Variants in ELMO1 observed in about 807,000 individuals in gnomAD.
ELMO1 encodes engulfment and cell motility protein 1.
In ELMO1, 26 loss-of-function variants were observed where a neutral mutation model predicts 98.9. That is an observed-to-expected ratio of 0.26 (90% CI 0.19 to 0.36). ELMO1 has a LOEUF of 0.36. Among genes scored for constraint, ELMO1 ranks in the 10% least tolerant of loss-of-function variants. The pLI is 1.00. For synonymous variants in ELMO1, 346 were observed against 346.0 expected, an observed-to-expected ratio of 1.00 and a Z score of 0.00; for missense variants, 627 against 935.2, an observed-to-expected ratio of 0.67 and a Z score of 4.30.
chr7:37,265,076 C>A (rs1796168910), intron 5 of ELMO1, among the ~76,000 whole-genome samples: 1 of 152,154 alleles, frequency 6.6e-6, no homozygotes, highest in Non-Finnish European at 1.5e-5. Flanking sequence ...TGCCTTTCTG[C>A]TGCCTCCCCT....
rs987635704 is a variant in ELMO1 at position 37,018,579 on chromosome 7, C to T, written c.1301-5144G>A. Among the ~76,000 whole-genome samples the T allele has an allele frequency of 1.3e-3, 196 of 150,472 alleles. 1 individual carries two copies. Among genetic ancestry groups the T allele is most frequent in the African/African-American group, 4.6e-3 (188 of 40,874 alleles). On this transcript the variant is annotated intron_variant, in intron 15 of 21. Coordinates refer to ENST00000310758, the MANE Select transcript of ELMO1 (RefSeq NM_014800.11). ...GCAACCTCTTCCTCCTGGGTTCCAG[C>T]GATTCTCCTGCCTCAGCCTCCCAAA...
chr7:37,131,512 T>C (rs1012553316), intron 14 of ELMO1, among the ~76,000 whole-genome samples: 1 of 152,228 alleles, frequency 6.6e-6, no homozygotes, highest in Non-Finnish European at 1.5e-5. Flanking sequence ...GCTCCAATTT[T>C]AGAAACACTC....
chr7:37,444,728 A>G (rs1805539244), intron 1 of ELMO1, among the ~76,000 whole-genome samples: 1 of 152,150 alleles, frequency 6.6e-6, no homozygotes, highest in East Asian at 1.9e-4. Flanking sequence ...CTTAGCCAGG[A>G]TGGTCTGGAT....
chr7:37,163,151 T>C (rs998673793), intron 13 of ELMO1, among the ~76,000 whole-genome samples: 1 of 152,194 alleles, frequency 6.6e-6, no homozygotes, highest in Non-Finnish European at 1.5e-5. Flanking sequence ...CAGATATCTT[T>C]CCATTGCTTT....
intron 1 of ELMO1, among the ~76,000 whole-genome samples, chr7:37,398,855 C>T (rs756419771): frequency 6.6e-6 from 1 of 152,188 alleles, no homozygotes; most frequent in Non-Finnish European, 1.5e-5. Flanking sequence ...CCAAGAAGCA[C>T]AGGAAGGCTT....
chr7:36,887,875 A>T (rs1045730461), intron 17 of ELMO1, among the ~76,000 whole-genome samples: 4 of 152,206 alleles, frequency 2.6e-5, no homozygotes, highest in Non-Finnish European at 5.9e-5. Flanking sequence ...ATTCTGTGAC[A>T]TTTACAGAAT....
intron 4 of ELMO1, among the ~76,000 whole-genome samples, chr7:37,273,249 T>A (rs889216116): frequency 6.6e-6 from 1 of 152,192 alleles, no homozygotes; most frequent in Non-Finnish European, 1.5e-5. Flanking sequence ...CAAACTCTCA[T>A]CTTCAATTGT....
intron 8 of ELMO1, among the ~76,000 whole-genome samples, chr7:37,227,635 C>T (rs973204425): frequency 1.3e-5 from 2 of 152,204 alleles, no homozygotes; most frequent in African/African-American, 4.8e-5. Flanking sequence ...ATCCACCCGC[C>T]TCGGCCTCCC....
At chr7:37,003,146 C>T (rs549863534) in intron 16 of ELMO1, among the ~76,000 whole-genome samples, 1 of 152,152 alleles carries the variant, frequency 6.6e-6, no homozygotes. Flanking sequence ...AGGAGGCGGG[C>T]AGAAGAAGAA....
intron 1 of ELMO1, among the ~76,000 whole-genome samples, chr7:37,419,320 TAGGAGAAC>T (rs912227760): frequency 1.3e-5 from 2 of 152,208 alleles, no homozygotes; most frequent in African/African-American, 4.8e-5. Context: ...CAGAATTAAT[TAGGAGAAC>T]AGGAGGAAGA....
intron 4 of ELMO1, among the ~76,000 whole-genome samples, chr7:37,285,137 G>A (rs1454277614): frequency 6.6e-6 from 1 of 152,200 alleles, no homozygotes; most frequent in African/African-American, 2.4e-5. Flanking sequence ...ACCCGTGGGT[G>A]GTGATGTCCC....
chr7:37,327,062 GCAA>G (rs1799858728), intron 2 of ELMO1, among the ~76,000 whole-genome samples: 2 of 152,140 alleles, frequency 1.3e-5, no homozygotes, highest in African/African-American at 4.8e-5. Context: ...ATATCTGACA[GCAA>G]CAACAACCAC....
chr7:36,994,270 T>A (rs1792054046), intron 16 of ELMO1, among the ~76,000 whole-genome samples: 4 of 152,242 alleles, frequency 2.6e-5, no homozygotes, highest in Admixed American at 2.6e-4. Flanking sequence ...ATTCATATGA[T>A]GCTCCCTTAA....
intron 16 of ELMO1, among the ~76,000 whole-genome samples, chr7:36,953,538 A>C (rs1424403585): frequency 6.6e-6 from 1 of 152,202 alleles, no homozygotes; most frequent in Non-Finnish European, 1.5e-5. Context: ...TATCCTTTTA[A>C]AGGTTTTTCT....
intron 1 of ELMO1, among the ~76,000 whole-genome samples, chr7:37,402,588 G>C (rs1803582889): frequency 6.6e-6 from 1 of 152,096 alleles, no homozygotes; most frequent in Admixed American, 6.5e-5. Context: ...AAGAGTAGAG[G>C]GAGAGAGAGT....
At chr7:37,429,969 G>A (rs1042129185) in intron 1 of ELMO1, among the ~76,000 whole-genome samples, 3 of 152,210 alleles carry the variant, frequency 2.0e-5, no homozygotes, top group African/African-American at 7.2e-5. Context: ...TTTGCAAGCT[G>A]CTGAGATGAT....
chr7:37,347,850 T>G (rs1801082554), intron 1 of ELMO1, among the ~76,000 whole-genome samples: 1 of 152,130 alleles, frequency 6.6e-6, no homozygotes, highest in Non-Finnish European at 1.5e-5. Flanking sequence ...CATGGTCTCA[T>G]CAGGCTCTCC....
At chr7:36,864,043 G>A (rs956289975) in intron 20 of ELMO1, among the ~76,000 whole-genome samples, 11 of 152,186 alleles carry the variant, frequency 7.2e-5, no homozygotes, top group Admixed American at 6.5e-4. Context: ...GGGGGCCCTT[G>A]GAGGTAAACA....
intron 1 of ELMO1, among the ~76,000 whole-genome samples, chr7:37,364,280 A>AGTGTCT (rs1342257972): frequency 5.3e-5 from 8 of 152,274 alleles, no homozygotes; most frequent in Non-Finnish European, 8.8e-5. Flanking sequence ...GACACAGGGG[A>AGTGTCT]CCCTCCCATG....
Sources: allele counts gnomAD v4.1 joint callset (sites outside exome capture counted in the v4.1 genomes callset), GRCh38; gene constraint gnomAD v4.1.1; transcripts MANE v1.5; gene names NCBI Gene and HGNC (gene_info 2026-07-23, HGNC 2026-07-21).